The following ATP10A variants were observed in gnomAD, a reference collection of about 807,000 sequenced individuals.
ATP10A encodes phospholipid-transporting ATPase VA.
Under a neutral mutation model 147.8 loss-of-function variants are expected in ATP10A, and 111 were observed. The ratio of observed to expected loss-of-function variants is 0.75; its 90% CI spans 0.64 to 0.88. The LOEUF (loss-of-function observed/expected upper bound fraction) is 0.88. Ranked by LOEUF, ATP10A falls within the 40% of genes least tolerant of loss-of-function variation. The probability of loss-of-function intolerance (pLI) is 0.00; values close to 1 mark genes in which losing one functional copy is unlikely to be tolerated. For synonymous variants in ATP10A, 875 were observed against 841.6 expected (o/e 1.04, Z -0.69); for missense variants, 1,927 against 1,959.0 (o/e 0.98, Z 0.31).
At chr15:25,843,079 T>C (rs528071285) in intron 1 of ATP10A, among the ~76,000 whole-genome samples, 1 of 152,170 alleles carries the variant, frequency 6.6e-6, no homozygotes, top group South Asian at 2.1e-4. Context: ...TCAAAACCTA[T>C]TGTTCTGAGT....
At chr15:25,799,473 A>T (rs575382380) in intron 1 of ATP10A, among the ~76,000 whole-genome samples, 78 of 152,372 alleles carry the variant, frequency 5.1e-4, no homozygotes, top group African/African-American at 1.8e-3. Context: ...GAGATGAACC[A>T]AAATGGTGTT....
chr15:25,716,677 T>A, intron 9 of ATP10A, 53 bp downstream of exon 9: 1 of 1,457,078 alleles, frequency 6.9e-7, no homozygotes, highest in East Asian at 2.5e-5. Context: ...CTGACAACCA[T>A]GGCCCGCAGC....
At chr15:25,858,437 G>A (rs763396570) in intron 1 of ATP10A, among the ~76,000 whole-genome samples, 8 of 152,038 alleles carry the variant, frequency 5.3e-5, no homozygotes, top group South Asian at 2.1e-4. Flanking sequence ...AAAGAGGCAC[G>A]GAGAAGGAGT....
Position 25,680,206 on chromosome 15 carries a change from G to T in ATP10A, c.3781C>A (p.Pro1261Thr), listed in dbSNP as rs749710242. The change falls in exon 20 of 21, where the codon CCT becomes ACT. Residue 1261 changes from proline to threonine, a missense_variant. Physicochemically the swap from Pro to Thr is conservative, Grantham distance 38 (BLOSUM62 -1). Transcript: ENST00000555815. ...SCATCYPPSNPYWTMQALLGD... is the reference protein window; with the variant it reads ...SCATCYPPSNTYWTMQALLGD... ...AGTAAGGCTTGCATAGTCCAGTAAGGGTTGGACGGAGGATAGCACGTGGCA... is the reference window on the plus strand; with the variant it reads ...AGTAAGGCTTGCATAGTCCAGTAAGTGTTGGACGGAGGATAGCACGTGGCA... 8 of 1,613,974 alleles carry T rather than the reference G, an allele frequency of 5.0e-6. No individual in the cohort carries two copies. Among genetic ancestry groups the T allele is most frequent in the East Asian group, 2.2e-5 (1 of 44,884 alleles).
chr15:25,797,448 C>T (rs538363281), intron 1 of ATP10A, among the ~76,000 whole-genome samples: 2 of 152,326 alleles, frequency 1.3e-5, no homozygotes, highest in African/African-American at 4.8e-5. Flanking sequence ...GCCCCTGCCC[C>T]CACCCCACCC....
downstream of ATP10A, among the ~76,000 whole-genome samples, chr15:25,675,893 C>T (rs1054162608): frequency 6.6e-6 from 1 of 151,912 alleles, no homozygotes; most frequent in Non-Finnish European, 1.5e-5. Context: ...CTGCAGTGAG[C>T]TGTGATCACA....
At chr15:25,840,138 C>A (rs1194340482) in intron 1 of ATP10A, among the ~76,000 whole-genome samples, 1 of 152,044 alleles carries the variant, frequency 6.6e-6, no homozygotes, top group African/African-American at 2.4e-5. Context: ...TAAATGGGAT[C>A]ACGCAGCATA....
intron 1 of ATP10A, among the ~76,000 whole-genome samples, chr15:25,814,631 C>CT (rs1475901985): frequency 6.6e-6 from 1 of 152,246 alleles, no homozygotes; most frequent in Non-Finnish European, 1.5e-5. Context: ...ATTGTGATCC[C>CT]TGGAGTCCCC....
intron 16 of ATP10A, among the ~76,000 whole-genome samples, chr15:25,684,727 C>A (rs1390225480): frequency 6.6e-6 from 1 of 152,166 alleles, no homozygotes; most frequent in Admixed American, 6.6e-5. Context: ...TTCTGCTGGG[C>A]ACCGCAAGGC....
At chr15:25,771,273 A>T (rs1174896808) in intron 2 of ATP10A, among the ~76,000 whole-genome samples, 1 of 152,102 alleles carries the variant, frequency 6.6e-6, no homozygotes, top group Non-Finnish European at 1.5e-5. Flanking sequence ...AGGACATGCC[A>T]ATCATAACAC....
chr15:25,682,007 TCACA>T (rs1899443846), intron 17 of ATP10A, among the ~76,000 whole-genome samples: 1 of 138,086 alleles, frequency 7.2e-6, no homozygotes, highest in African/African-American at 2.8e-5. Flanking sequence ...TGAGCCGAGA[TCACA>T]CCACTGCCCT....
intron 2 of ATP10A, among the ~76,000 whole-genome samples, chr15:25,753,790 T>A (rs1271083190): frequency 6.7e-6 from 1 of 149,390 alleles, no homozygotes; most frequent in Non-Finnish European, 1.5e-5. Flanking sequence ...GTTATATATA[T>A]ATATTTTAAA....
chr15:25,694,699 G>T, intron 14 of ATP10A, 120 bp downstream of exon 14: 1 of 942,522 alleles, frequency 1.1e-6, no homozygotes, highest in Admixed American at 2.9e-5. Context: ...CACTGGGTGT[G>T]ATTTTACACA....
chr15:25,718,502 C>T (rs1044900771), intron 7 of ATP10A, 103 bp from the exon 8 acceptor site: 3 of 1,204,074 alleles, frequency 2.5e-6, no homozygotes, highest in African/African-American at 1.5e-5. Flanking sequence ...TCCGGCAGGG[C>T]AGCCCCACAG....
At chr15:25,778,925 G>A (rs1341688400) in intron 2 of ATP10A, among the ~76,000 whole-genome samples, 5 of 152,162 alleles carry the variant, frequency 3.3e-5, no homozygotes, top group Admixed American at 3.3e-4. Context: ...CACCCAGGCT[G>A]GAGTGCAGTG....
intron 1 of ATP10A, among the ~76,000 whole-genome samples, chr15:25,842,002 T>C (rs1448376401): frequency 6.6e-6 from 1 of 152,192 alleles, no homozygotes; most frequent in African/African-American, 2.4e-5. Flanking sequence ...AAATTGGTTG[T>C]AGGTTTTTTG....
chr15:25,680,329 A>G, intron 19 of ATP10A, 21 bp from the exon 20 acceptor site: 1 of 1,607,836 alleles, frequency 6.2e-7, no homozygotes. Flanking sequence ...ATGAGAAAGA[A>G]AGGGCTTTTA....
At chr15:25,723,383 A>G (rs1429786147) in intron 6 of ATP10A, among the ~76,000 whole-genome samples, 4 of 151,872 alleles carry the variant, frequency 2.6e-5, no homozygotes, top group African/African-American at 9.7e-5. Context: ...AAACAAAGTG[A>G]AGGACTAAAG....
At chr15:25,691,525 GGAA>G (rs995352162) in intron 15 of ATP10A, among the ~76,000 whole-genome samples, 187 bp downstream of exon 15, 1 of 152,216 alleles carries the variant, frequency 6.6e-6, no homozygotes, top group African/African-American at 2.4e-5. Flanking sequence ...TTCATAAACA[GGAA>G]GAATGGCATT....
Sources: allele counts gnomAD v4.1 joint callset (sites outside exome capture counted in the v4.1 genomes callset), GRCh38; gene constraint gnomAD v4.1.1; transcripts MANE v1.5; gene names NCBI Gene and HGNC (gene_info 2026-07-23, HGNC 2026-07-21).